SKAP2: variants seen among roughly 807,000 people sequenced by gnomAD.
SKAP2 encodes src kinase-associated phosphoprotein 2.
SKAP2 carries 28 observed loss-of-function variants against 54.9 expected under a neutral mutation model. That is an observed-to-expected ratio of 0.51 (90% confidence interval 0.38 to 0.70). The LOEUF (loss-of-function observed/expected upper bound fraction) is 0.70. Among genes scored for constraint, SKAP2 ranks in the 30% least tolerant of loss-of-function variants. The pLI is 0.00. For missense variants in SKAP2, 356 were observed against 424.1 expected, an observed-to-expected ratio of 0.84 and a Z score of 1.41; for synonymous variants, 137 against 134.3, an observed-to-expected ratio of 1.02 and a Z score of -0.14.
At chr7:26,812,886 TC>T (rs1784183750) in intron 4 of SKAP2, among the ~76,000 whole-genome samples, 1 of 151,850 alleles carries the variant, frequency 6.6e-6, no homozygotes, top group South Asian at 2.1e-4. Context: ...TTTCCCAGGA[TC>T]ATAAAACTCA....
chr7:26,685,302 G>T (rs1465009988), intron 10 of SKAP2, among the ~76,000 whole-genome samples: 3 of 151,634 alleles, frequency 2.0e-5, no homozygotes, highest in Admixed American at 2.0e-4. Flanking sequence ...TAATAGTAAA[G>T]GAGCTAATGT....
rs141667629 is a variant in SKAP2, at chr7:26,857,670, C to A, written c.68-2780G>T. The A allele has an allele frequency of 2.7e-5, 27 of 985,380 alleles. No homozygotes were observed. The East Asian group carries it at 3.0e-3, about 108-fold the overall frequency. The allele number at this position is 985,380 out of a possible 1,614,324, so 61.0% of individuals were successfully genotyped here. A position where few individuals can be genotyped will look rare whatever the true frequency, so the allele number is the denominator to read the frequency against. On this transcript the variant is annotated intron_variant, in intron 1 of 12. Coordinates refer to ENST00000345317, the MANE Select transcript of SKAP2 (RefSeq NM_003930.5). ...GTTAAACCCCAGGGTTCCTCTCAGG[C>A]GGAGCAGTGAGCATGGAGAGCCGGG... is the stretch of plus-strand genomic sequence containing the variant.
At chr7:26,676,647 T>C (rs1169930680) in intron 11 of SKAP2, among the ~76,000 whole-genome samples, 4 of 152,348 alleles carry the variant, frequency 2.6e-5, no homozygotes, top group Admixed American at 6.5e-5. Flanking sequence ...GGTAAAAGCA[T>C]AGTAAACATC....
At chr7:26,739,816 T>A (rs748617615) in intron 5 of SKAP2, 71 bp downstream of exon 5, 1 of 1,071,892 alleles carries the variant, frequency 9.3e-7, no homozygotes, top group Non-Finnish European at 1.4e-6. Context: ...TGCCTCCACA[T>A]GTATACTACA....
intron 4 of SKAP2, among the ~76,000 whole-genome samples, chr7:26,802,774 G>A (rs767633357): frequency 1.3e-4 from 20 of 151,986 alleles, no homozygotes; most frequent in Admixed American, 6.6e-5. Flanking sequence ...CCAGCTACTC[G>A]GGAGGGTGAG....
chr7:26,693,614 A>G (rs1388548841), intron 9 of SKAP2, among the ~76,000 whole-genome samples: 1 of 152,208 alleles, frequency 6.6e-6, no homozygotes, highest in East Asian at 1.9e-4. Context: ...TATTTACTTA[A>G]GAATTAATGT....
intron 4 of SKAP2, among the ~76,000 whole-genome samples, chr7:26,779,213 G>C (rs552851330): frequency 2.6e-5 from 4 of 152,086 alleles, no homozygotes; most frequent in Admixed American, 6.6e-5. Flanking sequence ...ACTTGTAATT[G>C]CTACCATTAA....
At chr7:26,861,969 C>T (rs1785280384) in intron 1 of SKAP2, among the ~76,000 whole-genome samples, 1 of 152,016 alleles carries the variant, frequency 6.6e-6, no homozygotes, top group Non-Finnish European at 1.5e-5. Context: ...CTTATCTTCT[C>T]TACCTTGGAA....
chr7:26,859,106 G>C (rs1785232245), intron 1 of SKAP2, among the ~76,000 whole-genome samples: 2 of 152,042 alleles, frequency 1.3e-5, no homozygotes, highest in Admixed American at 1.3e-4. Context: ...ATAAAATAAA[G>C]GTAAAACCAA....
intron 4 of SKAP2, among the ~76,000 whole-genome samples, chr7:26,798,448 T>C (rs1783831748): frequency 6.6e-6 from 1 of 151,912 alleles, no homozygotes; most frequent in Non-Finnish European, 1.5e-5. Flanking sequence ...ATAGGAGAAT[T>C]GGTCAAGCAG....
At chr7:26,766,596 T>C (rs1783061318) in intron 4 of SKAP2, among the ~76,000 whole-genome samples, 1 of 152,238 alleles carries the variant, frequency 6.6e-6, no homozygotes, top group African/African-American at 2.4e-5. Flanking sequence ...CAGTATGATA[T>C]CGGCTGTGGG....
intron 3 of SKAP2, among the ~76,000 whole-genome samples, chr7:26,850,774 A>C (rs1340733051): frequency 2.0e-5 from 3 of 152,174 alleles, no homozygotes; most frequent in Admixed American, 1.3e-4. Context: ...ATCTTTCCTA[A>C]GTACAAGTAA....
At chr7:26,736,382 T>C (rs1787942147) in intron 6 of SKAP2, among the ~76,000 whole-genome samples, 2 of 152,218 alleles carry the variant, frequency 1.3e-5, no homozygotes, top group Admixed American at 6.5e-5. Flanking sequence ...ACCAGTGCCA[T>C]GATAGTTTAC....
chr7:26,710,022 T>C (rs901356094), intron 9 of SKAP2, among the ~76,000 whole-genome samples: 1 of 152,198 alleles, frequency 6.6e-6, no homozygotes, highest in Admixed American at 6.5e-5. Context: ...GTATACTGTT[T>C]GGTAATCATT....
At chr7:26,749,824 A>G (rs1782642983) in intron 4 of SKAP2, among the ~76,000 whole-genome samples, 1 of 151,578 alleles carries the variant, frequency 6.6e-6, no homozygotes, top group East Asian at 1.9e-4. Context: ...CTATCTCTGT[A>G]TCAAACACAA....
chr7:26,760,110 T>C (rs919094270), intron 4 of SKAP2, among the ~76,000 whole-genome samples: 1 of 152,220 alleles, frequency 6.6e-6, no homozygotes, highest in Non-Finnish European at 1.5e-5. Context: ...GATCTTTTTT[T>C]AGGAATTACA....
rs984753032 is a variant in SKAP2, at chr7:26,682,153, A to C, written c.987+2583T>G. 5.9e-5 allele frequency among the ~76,000 whole-genome samples: 9 copies of C among 152,356 alleles called. No homozygotes were observed. In the East Asian group the frequency reaches 1.5e-3, roughly 26 times the overall value. The stretch of plus-strand genomic sequence containing the variant: ...TACTTAATTTGTAATAATATCAAGC[A>C]TTCAAAATTGCAGTTATTCACATAT... On this transcript the variant is annotated intron_variant, in intron 11 of 12. Coordinates refer to ENST00000345317, the MANE Select transcript of SKAP2 (RefSeq NM_003930.5).
At chr7:26,720,004 G>C (rs954006490) in intron 9 of SKAP2, among the ~76,000 whole-genome samples, 3 of 151,548 alleles carry the variant, frequency 2.0e-5, no homozygotes, top group African/African-American at 7.3e-5. Flanking sequence ...CCTGTGCATT[G>C]TAGGTCGTTT....
rs893868574 is a variant in SKAP2 at position 26,857,414 on chromosome 7, T to C, written c.68-2524A>G. 36 of 982,368 alleles carry C rather than the reference T, an allele frequency of 3.7e-5. No homozygotes were observed. The South Asian group carries it at 1.4e-3, about 37-fold the overall frequency. 60.9% of individuals were successfully genotyped at this position (982,368 alleles called of 1,614,324 possible). On this transcript the variant is annotated intron_variant, in intron 1 of 12. Transcript: ENST00000345317. Reference sequence around the variant, plus strand: ...CCAAACTTGGTTGGTTTTTAAGCTTTTGAAATCTAGGTTATTTCTTAAAAT... The same window carrying C: ...CCAAACTTGGTTGGTTTTTAAGCTTCTGAAATCTAGGTTATTTCTTAAAAT...
Sources: gnomAD v4.1 joint callset for allele counts (sites outside exome capture counted in the v4.1 genomes callset) on GRCh38, gnomAD v4.1.1 for gene constraint, MANE v1.5 for transcripts, NCBI Gene and HGNC (gene_info 2026-07-23, HGNC 2026-07-21) for gene names.